The following SPG11 variants were observed in gnomAD, a reference collection of about 807,000 sequenced individuals.
The protein encoded by SPG11 is SPG11 vesicle trafficking associated, spatacsin.
In SPG11, 222 loss-of-function variants were observed where a neutral mutation model predicts 274.0. The ratio of observed to expected loss-of-function variants is 0.81; its 90% CI spans 0.73 to 0.91. The LOEUF (loss-of-function observed/expected upper bound fraction) is 0.91, where lower values mean the gene tolerates loss of function less well. Ranked by LOEUF, SPG11 falls within the 40% of genes least tolerant of loss-of-function variation. The pLI is 0.00. For missense variants in SPG11, 3,114 were observed against 2,872.7 expected, an observed-to-expected ratio of 1.08 and a Z score of -1.92; for synonymous variants, 1,144 against 1,039.7, an observed-to-expected ratio of 1.10 and a Z score of -1.93.
At chr15:44,647,877 T>C (rs1179090791) in intron 7 of SPG11, among the ~76,000 whole-genome samples, 1 of 152,190 alleles carries the variant, frequency 6.6e-6, no homozygotes, top group African/African-American at 2.4e-5. Flanking sequence ...GAATTGTACA[T>C]TTTAAAAGGG....
intron 18 of SPG11, among the ~76,000 whole-genome samples, chr15:44,608,955 T>TA (rs2083390289): frequency 1.3e-5 from 2 of 149,800 alleles, no homozygotes; most frequent in African/African-American, 5.1e-5. Context: ...TACAAACTGA[T>TA]AAACTAGATG....
intron 4 of SPG11, among the ~76,000 whole-genome samples, chr15:44,652,740 T>G (rs2084823047): frequency 6.6e-6 from 1 of 151,690 alleles, no homozygotes. Flanking sequence ...CTGCAACCTC[T>G]GCCTCCTGGG....
Position 44,663,585 on chromosome 15 carries a change from G to A in SPG11, c.63C>T (p.Ala21=), listed in dbSNP as rs1171109865. 1.3e-6 allele frequency: 2 copies of A among 1,596,790 alleles called. No individual in the cohort carries two copies. Among genetic ancestry groups the A allele is most frequent in the African/African-American group, 1.3e-5 (1 of 74,896 alleles). ...ASAGGSWGTA[A]MGRVLPMLLV... is the part of the protein sequence containing the mutation. ...ACAGCATCGGTAGAACCCGCCCCAT[G>A]GCCGCGGTGCCCCAGCTACCGCCGG... Residue 21 remains alanine (A), a synonymous_variant, in exon 1 of 40, where the codon GCC becomes GCT. Transcript: ENST00000261866.
At chr15:44,644,864 TAGAG>T (rs1187026279) in intron 7 of SPG11, among the ~76,000 whole-genome samples, 1 of 152,050 alleles carries the variant, frequency 6.6e-6, no homozygotes, top group Non-Finnish European at 1.5e-5. Context: ...GAAATACAGT[TAGAG>T]AGATGAAAGA....
chr15:44,614,513 C>T lies in SPG11; in HGVS notation c.3038+850G>A, dbSNP rs1240234448. On this transcript the variant is annotated intron_variant, in intron 16 of 39. Transcript: ENST00000261866. ...TGCTGGGATTAGAGATGTGAGCCAC[C>T]GTGCCCGGCCAATTCCTAGTCTTTA... 3.9e-5 allele frequency among the ~76,000 whole-genome samples: 6 copies of T among 152,164 alleles called. No homozygotes were observed. The East Asian group carries it at 1.2e-3, about 29-fold the overall frequency.
At chr15:44,565,746 T>C (rs2082294091) in intron 38 of SPG11, 108 bp downstream of exon 38, 1 of 1,365,130 alleles carries the variant, frequency 7.3e-7, no homozygotes, top group Non-Finnish European at 1.0e-6. Flanking sequence ...AGAACTGTAC[T>C]GTCCTGGTTC....
intron 30 of SPG11, among the ~76,000 whole-genome samples, chr15:44,576,882 A>C (rs1340357774): frequency 2.0e-5 from 3 of 151,248 alleles, no homozygotes; most frequent in Non-Finnish European, 4.4e-5. Flanking sequence ...GCTAGAGTGC[A>C]GTGGCACCAT....
chr15:44,650,789 C>A (rs891201003), intron 6 of SPG11, among the ~76,000 whole-genome samples: 1 of 152,038 alleles, frequency 6.6e-6, no homozygotes. Context: ...TCACTGTCTC[C>A]CAGGCTGGAG....
chr15:44,633,763 A>G (rs2084154103), intron 7 of SPG11, 126 bp from the exon 8 acceptor site: 4 of 898,974 alleles, frequency 4.4e-6, no homozygotes, highest in Non-Finnish European at 5.3e-6. Context: ...AGACTGCATG[A>G]GTACATGGGC....
At position 44,566,195 on chromosome 15, in the gene SPG11, C is replaced by G; in HGVS notation, c.6843+22G>C. On this transcript the variant is annotated intron_variant, in intron 37 of 39. Transcript: ENST00000261866. ...GCAGACAGCAAGTCCCAAGGCCAGTCTGAAAAAAGCCTTTGGGTTACCTTG... is the reference window on the plus strand; with the variant it reads ...GCAGACAGCAAGTCCCAAGGCCAGTGTGAAAAAAGCCTTTGGGTTACCTTG... 3 of 1,613,546 alleles carry G rather than the reference C, an allele frequency of 1.9e-6. No individual in the cohort carries two copies. The South Asian group carries it at 3.3e-5, about 18-fold the overall frequency.
rs1567131139 is a variant in SPG11 at position 44,572,809 on chromosome 15, T to C, written c.6217A>G (p.Met2073Val). 1 of 1,613,950 alleles carries C rather than the reference T, an allele frequency of 6.2e-7. No homozygotes were observed. Among genetic ancestry groups the C allele is most frequent in the Admixed American group, 1.7e-5 (1 of 59,990 alleles). Residue 2073 changes from methionine (M) to valine (V), a missense_variant, in exon 33 of 40, where the codon ATG (methionine) becomes GTG (valine). Coordinates refer to ENST00000261866, the MANE Select transcript of SPG11 (RefSeq NM_025137.4). The part of the protein sequence containing the change: ...TSSQGTGHKQ[M>V]FNPTEESQTF... ...TGGCTTTCCTCTGTTGGGTTGAACA[T>C]CTGCTTATGTCCTGTACAGAGAGGT...
intron 6 of SPG11, 130 bp downstream of exon 6, chr15:44,651,361 C>G: frequency 1.3e-6 from 1 of 795,332 alleles, no homozygotes; most frequent in Admixed American, 2.4e-5. Flanking sequence ...CCAAGAATAA[C>G]AAGAAACTTC....
At position 44,573,565 on chromosome 15, in the gene SPG11, TA is replaced by T. The variant is rs760264964; in HGVS notation, c.6186del (p.Thr2063LeufsTer24). The T allele has an allele frequency of 6.2e-7, 1 of 1,614,134 alleles. No homozygotes were observed. Among genetic ancestry groups the T allele is most frequent in the Non-Finnish European group, 8.5e-7 (1 of 1,180,014 alleles). ...LVAEEVTREL[L>X]TSSQGTGHKQ... ...AGGGCACCTGTTCCCTGTGATGAAG[TA>T]AGCAGCTCCCGTGTCACCTCTTCTG... On this transcript the variant is annotated frameshift_variant, in exon 32 of 40. Coordinates refer to ENST00000261866, the MANE Select transcript of SPG11 (RefSeq NM_025137.4). LOFTEE classifies it high-confidence loss of function.
At position 44,657,309 on chromosome 15, in the gene SPG11, G is replaced by A. The variant is rs754964939; in HGVS notation, c.668-13C>T. 8 of 1,612,860 alleles carry A rather than the reference G, an allele frequency of 5.0e-6. No homozygotes were observed. The highest frequency in any genetic ancestry group is 1.7e-5 in the Admixed American group (1 of 60,004). On this transcript the variant is annotated splice_polypyrimidine_tract_variant and intron_variant, in intron 3 of 39. Transcript: ENST00000261866. ...ACATCAAAAATGTCTTTTAGTTAGA[G>A]TTAAAAGAAAATGCCAGTTTTGTAA...
intron 12 of SPG11, 27 bp downstream of exon 12, chr15:44,622,701 A>T: frequency 6.5e-7 from 1 of 1,549,026 alleles, no homozygotes; most frequent in Non-Finnish European, 8.9e-7. Flanking sequence ...TAGAAAATGT[A>T]TACTATGTAG....
chr15:44,606,141 A>G, intron 19 of SPG11, 50 bp from the exon 20 acceptor site: 3 of 1,548,810 alleles, frequency 1.9e-6, no homozygotes, highest in Non-Finnish European at 2.7e-6. Flanking sequence ...TGATTATAAA[A>G]TAGGTAAAAA....
chr15:44,610,550 G>GT (rs1353948219), intron 18 of SPG11, among the ~76,000 whole-genome samples: 4 of 151,228 alleles, frequency 2.6e-5, no homozygotes, highest in Admixed American at 1.3e-4. Flanking sequence ...GCCCAGTGAA[G>GT]TTTTTTTAGT....
intron 1 of SPG11, among the ~76,000 whole-genome samples, chr15:44,660,870 C>T (rs1230924962): frequency 6.6e-6 from 1 of 152,142 alleles, no homozygotes; most frequent in Non-Finnish European, 1.5e-5. Context: ...GAAATGATGG[C>T]TCCATTTATT....
chr15:44,582,465 T>C (rs370941167), intron 30 of SPG11, among the ~76,000 whole-genome samples: 1 of 152,244 alleles, frequency 6.6e-6, no homozygotes, highest in African/African-American at 2.4e-5. Flanking sequence ...GGCGAATCAC[T>C]TGAACCTGAA....
Sources: gnomAD v4.1 joint callset for allele counts (sites outside exome capture counted in the v4.1 genomes callset) on GRCh38, gnomAD v4.1.1 for gene constraint, MANE v1.5 for transcripts, NCBI Gene and HGNC (gene_info 2026-07-23, HGNC 2026-07-21) for gene names.